The following TMEM220 variants were observed in gnomAD, a reference collection of about 807,000 sequenced individuals.
TMEM220 encodes transmembrane protein 220.
TMEM220 carries 21 observed loss-of-function variants against 21.7 expected under a neutral mutation model. The observed-to-expected ratio is 0.97, with a 90% CI of 0.69 to 1.39. The LOEUF (loss-of-function observed/expected upper bound fraction) is 1.39. TMEM220 is among the 40% of genes most tolerant of loss of function. TMEM220 has a pLI of 0.00. For missense variants in TMEM220, 191 were observed against 201.9 expected (o/e 0.95, Z 0.33); for synonymous variants, 80 against 73.6 (o/e 1.09, Z -0.45).
rs2075106964 is a variant in TMEM220 at position 10,729,891 on chromosome 17, GTGCGGGGCGGTGAGTCCTGC to G, written c.-60_-41del. 1.6e-6 allele frequency: 2 copies of G among 1,264,688 alleles called. No individual in the cohort carries two copies. The highest frequency in any genetic ancestry group is 4.2e-5 in the Admixed American group (1 of 23,812). The allele number at this position is 1,264,688 out of a possible 1,614,324, so 78.3% of individuals were successfully genotyped here. Reference sequence around the variant, plus strand: ...GGCGCGGGGCGGTGAGTCCTGCCACGTGCGGGGCGGTGAGTCCTGCCACGTACGGTCCGCCTTCCTCCTTG... The same window carrying G: ...GGCGCGGGGCGGTGAGTCCTGCCACGCACGTACGGTCCGCCTTCCTCCTTG... On this transcript the variant is annotated 5_prime_UTR_variant, in exon 1 of 6. Transcript: ENST00000341871.
chr17:10,723,163 T>C (rs1942074325), intron 5 of TMEM220, 107 bp downstream of exon 5: 2 of 945,290 alleles, frequency 2.1e-6, no homozygotes, highest in Admixed American at 1.7e-5. Flanking sequence ...TGTATTTTAG[T>C]AGAGACAGGG....
At chr17:10,722,049 A>G (rs1037017811) in intron 5 of TMEM220, among the ~76,000 whole-genome samples, 5 of 150,326 alleles carry the variant, frequency 3.3e-5, no homozygotes, top group African/African-American at 9.8e-5. Context: ...CTGGAGTGCA[A>G]CAGCACTACC....
At chr17:10,724,953 G>T in intron 4 of TMEM220, 58 bp downstream of exon 4, 1 of 1,608,068 alleles carries the variant, frequency 6.2e-7, no homozygotes, top group South Asian at 1.1e-5. Context: ...TTGCAAACAC[G>T]ATTCCTTAGT....
chr17:10,728,056 A>T lies in TMEM220; in HGVS notation c.102+975T>A, dbSNP rs1022088285. ...ATGCCTGTAATCCCAGTTACTTGGG[A>T]CACTGAGGCAGAAGAATCACTCAAA... On this transcript the variant is annotated intron_variant, in intron 2 of 5. Transcript: ENST00000341871. 4.6e-5 allele frequency among the ~76,000 whole-genome samples: 7 copies of T among 151,968 alleles called. 1 individual carries two copies. The highest frequency in any genetic ancestry group is 7.3e-5 in the African/African-American group (3 of 41,344).
At position 10,726,208 on chromosome 17, in the gene TMEM220, G is replaced by A. The variant is rs1262819612; in HGVS notation, c.159C>T (p.Val53=). The A allele has an allele frequency of 6.2e-7, 1 of 1,613,578 alleles. No individual in the cohort carries two copies. The highest frequency in any genetic ancestry group is 8.5e-7 in the Non-Finnish European group (1 of 1,179,530). Residue 53 remains valine, a synonymous_variant, in exon 3 of 6, where the codon GTC becomes GTT. Coordinates refer to ENST00000341871, the MANE Select transcript of TMEM220 (RefSeq NM_001004313.3). ...TTTAGAATGCAAGGCTTATACCTGT[G>A]ACTTCAGGGTTAAGTCCAACAAGCA... ...LTLLVGLNPE[V]TGNVIWKSIS...
intron 5 of TMEM220, chr17:10,716,234 C>T: frequency 1.2e-6 from 1 of 843,030 alleles, no homozygotes; most frequent in South Asian, 1.3e-5. Context: ...ATGTGTTCAT[C>T]TCCAATAATG....
At position 10,724,292 on chromosome 17, in the gene TMEM220, G is replaced by A. The variant is rs370656247; in HGVS notation, c.287+719C>T. On this transcript the variant is annotated intron_variant, in intron 4 of 5. Transcript: ENST00000341871. ...GTCTAACAGGTTGACTTAAAGTACTGATCTTTTGGCTGGGTGCGGTGGCTC... is the reference window on the plus strand; with the variant it reads ...GTCTAACAGGTTGACTTAAAGTACTAATCTTTTGGCTGGGTGCGGTGGCTC... Among the ~76,000 whole-genome samples, 65 of 152,238 alleles carry A rather than the reference G, an allele frequency of 4.3e-4. No individual in the cohort carries two copies. In the East Asian group the frequency reaches 0.012, roughly 28 times the overall value.
In TMEM220 at chr17:10,729,866, G is replaced by T; in HGVS notation, c.-15C>A. The T allele has an allele frequency of 2.3e-6, 3 of 1,312,732 alleles. No homozygotes were observed. Among genetic ancestry groups the T allele is most frequent in the Non-Finnish European group, 2.9e-6 (3 of 1,027,046 alleles). 81.3% of individuals were successfully genotyped at this position (1,312,732 alleles called of 1,614,324 possible). On this transcript the variant is annotated 5_prime_UTR_variant, in exon 1 of 6. Transcript: ENST00000341871. ...GCTGGCGCCATGGCTCGGAGAACACGGCGCGGGGCGGTGAGTCCTGCCACG... is the reference window on the plus strand; with the variant it reads ...GCTGGCGCCATGGCTCGGAGAACACTGCGCGGGGCGGTGAGTCCTGCCACG...
chr17:10,723,663 AAC>A (rs1363194917), intron 4 of TMEM220, among the ~76,000 whole-genome samples: 2 of 152,200 alleles, frequency 1.3e-5, no homozygotes, highest in African/African-American at 2.4e-5. Flanking sequence ...CGCTAGAAGA[AAC>A]AGTGCAACTA....
At chr17:10,726,034 GT>G (rs1416663453) in intron 3 of TMEM220, among the ~76,000 whole-genome samples, 169 bp downstream of exon 3, 1 of 152,206 alleles carries the variant, frequency 6.6e-6, no homozygotes, top group Non-Finnish European at 1.5e-5. Flanking sequence ...TCCTTCTGAC[GT>G]TTTCCTGAAG....
intron 4 of TMEM220, 131 bp downstream of exon 4, chr17:10,724,880 T>C (rs1597531650): frequency 7.9e-7 from 1 of 1,259,986 alleles, no homozygotes; most frequent in Non-Finnish European, 1.1e-6. Flanking sequence ...AAGAAGATAA[T>C]ACCTTGCCTC....
chr17:10,720,726 G>A (rs1440857703), intron 5 of TMEM220, among the ~76,000 whole-genome samples: 1 of 152,112 alleles, frequency 6.6e-6, no homozygotes, highest in African/African-American at 2.4e-5. Flanking sequence ...TACTTGGTGG[G>A]ATTAGCATAC....
intron 3 of TMEM220, 47 bp from the exon 4 acceptor site, chr17:10,725,181 C>CAAAA: frequency 6.3e-7 from 1 of 1,586,814 alleles, no homozygotes; most frequent in Admixed American, 1.8e-5. Flanking sequence ...TCACAGCCCA[C>CAAAA]AGAAAAAAAA....
chr17:10,728,314 C>CTT lies in TMEM220; in HGVS notation c.102+715_102+716dup, dbSNP rs202039505. Among the ~76,000 whole-genome samples, 191 of 130,614 alleles carry CTT rather than the reference C, an allele frequency of 1.5e-3. 1 individual carries two copies. Among genetic ancestry groups the CTT allele is most frequent in the African/African-American group, 2.8e-3 (96 of 34,694 alleles). The allele number at this position is 130,614 out of a possible 152,430, so 85.7% of individuals were successfully genotyped here. A position where few individuals can be genotyped will look rare whatever the true frequency, so the allele number is the denominator to read the frequency against. The stretch of plus-strand genomic sequence containing the variant: ...TTTTTTTTTTTCTTTTTTTTCTTTG[C>CTT]TTTTTTTTTTTTGAGATGGAGTCTC... On this transcript the variant is annotated intron_variant, in intron 2 of 5. Transcript: ENST00000341871.
rs2074883765 is a variant in TMEM220 at position 10,714,386 on chromosome 17, A to G, written c.*1067T>C. The G allele has an allele frequency of 7.3e-6, 1 of 137,584 alleles. No homozygotes were observed. The highest frequency in any genetic ancestry group is 2.5e-5 in the African/African-American group (1 of 39,504). The allele number at this position is 137,584 out of a possible 1,614,324, so 8.5% of individuals were successfully genotyped here. A position where few individuals can be genotyped will look rare whatever the true frequency, so the allele number is the denominator to read the frequency against. On this transcript the variant is annotated 3_prime_UTR_variant, in exon 6 of 6. Transcript: ENST00000341871. ...CCATTTTTAAATGAAAATGGAAATGAAAAAAAAAAAAGCTCTCCTCCCTAG... is the reference window on the plus strand; with the variant it reads ...CCATTTTTAAATGAAAATGGAAATGGAAAAAAAAAAAGCTCTCCTCCCTAG...
chr17:10,721,400 G>A (rs2074986393), intron 5 of TMEM220, among the ~76,000 whole-genome samples: 1 of 152,130 alleles, frequency 6.6e-6, no homozygotes, highest in African/African-American at 2.4e-5. Context: ...CTTGAGGTCA[G>A]GAGTTTGAGA....
Position 10,715,462 on chromosome 17 carries a change from T to C in TMEM220, c.474A>G (p.Thr158=). 2 of 1,579,634 alleles carry C rather than the reference T, an allele frequency of 1.3e-6. No homozygotes were observed. The highest frequency in any genetic ancestry group is 1.7e-6 in the Non-Finnish European group (2 of 1,172,352). The change falls in exon 6 of 6, where the codon ACA becomes ACG. Residue 158 remains threonine, a synonymous_variant. Coordinates refer to ENST00000341871, the MANE Select transcript of TMEM220 (RefSeq NM_001004313.3). ...AAGTTCTTGAATTTATTTAAATTAC[T>C]GTCTTGCAGTGAGTTGGCCAAGAGG... The part of the protein sequence containing the change: ...MRSSWPTHCK[T]VI
intron 5 of TMEM220, among the ~76,000 whole-genome samples, chr17:10,721,082 C>G (rs999807137): frequency 6.6e-6 from 1 of 152,086 alleles, no homozygotes; most frequent in African/African-American, 2.4e-5. Context: ...TATATGAATT[C>G]ACGAACATTG....
Position 10,725,026 on chromosome 17 carries a change from T to G in TMEM220, c.272A>C (p.His91Pro), listed in dbSNP as rs778600307. The G allele has an allele frequency of 3.1e-6, 5 of 1,614,180 alleles. 1 individual carries two copies. In the South Asian group the frequency reaches 4.4e-5, roughly 14 times the overall value. ...LLHRTQQNIL[H>P]EEEGRELSGL... ...CACCGCTCACCTGCCTTCTTCCTCATGTAAGATGTTCTGTTGTGTACGATG... is the reference window on the plus strand; with the variant it reads ...CACCGCTCACCTGCCTTCTTCCTCAGGTAAGATGTTCTGTTGTGTACGATG... The change falls in exon 4 of 6, where the codon CAT becomes CCT. Residue 91 changes from histidine to proline, a missense_variant. His to Pro is a moderately conservative substitution (Grantham distance 77). Coordinates refer to ENST00000341871, the MANE Select transcript of TMEM220 (RefSeq NM_001004313.3).
Sources: gnomAD v4.1 joint callset for allele counts (sites outside exome capture counted in the v4.1 genomes callset) on GRCh38, gnomAD v4.1.1 for gene constraint, MANE v1.5 for transcripts, NCBI Gene and HGNC (gene_info 2026-07-23, HGNC 2026-07-21) for gene names.